Variants in SCUBE3 observed in about 807,000 individuals in gnomAD.
SCUBE3 encodes signal peptide, CUB domain and EGF like domain containing 3, also known as signal peptide, CUB and EGF-like domain-containing protein 3.
A neutral mutation model predicts 116.8 loss-of-function variants in SCUBE3; 33 were observed. That is an observed-to-expected ratio of 0.28 (90% CI 0.21 to 0.38). The LOEUF (loss-of-function observed/expected upper bound fraction) is 0.38, where lower values mean the gene tolerates loss of function less well. SCUBE3 is among the 10% of genes least tolerant of loss of function. The pLI is 1.00. For synonymous variants in SCUBE3, 418 were observed against 496.9 expected, an observed-to-expected ratio of 0.84 and a Z score of 2.11; for missense variants, 1,007 against 1,324.8, an observed-to-expected ratio of 0.76 and a Z score of 3.72.
At chr6:35,226,479 C>CTTTTTTTTTTTT (rs1562044702) in intron 1 of SCUBE3, among the ~76,000 whole-genome samples, 122 of 52,144 alleles carry the variant, frequency 2.3e-3, no homozygotes, top group Non-Finnish European at 3.2e-3. Flanking sequence ...TTTTCTATGT[C>CTTTTTTTTTTTT]CTTTTTTTTT....
In SCUBE3 at chr6:35,249,022, C is replaced by T. The variant is rs182956825; in HGVS notation, c.*317C>T. On this transcript the variant is annotated 3_prime_UTR_variant, in exon 22 of 22. Coordinates refer to ENST00000274938, the MANE Select transcript of SCUBE3 (RefSeq NM_152753.4). Reference sequence around the variant, plus strand: ...TGCCCATTTTACCAGCTCACATTCCCGACCCCATCAGCTTGGAAGGGTGCT... The same window carrying T: ...TGCCCATTTTACCAGCTCACATTCCTGACCCCATCAGCTTGGAAGGGTGCT... 72 of 258,940 alleles carry T rather than the reference C, an allele frequency of 2.8e-4. No individual in the cohort carries two copies. Among genetic ancestry groups the T allele is most frequent in the Admixed American group, 1.7e-3 (34 of 20,174 alleles). The allele number at this position is 258,940 out of a possible 1,614,324, so 16.0% of individuals were successfully genotyped here. A position where few individuals can be genotyped will look rare whatever the true frequency, so the allele number is the denominator to read the frequency against.
rs779748780 is a variant in SCUBE3, at chr6:35,242,652, C to T, written c.1565C>T (p.Thr522Ile). The T allele has an allele frequency of 1.9e-6, 3 of 1,613,528 alleles. No individual in the cohort carries two copies. In the South Asian group the frequency reaches 3.3e-5, roughly 18 times the overall value. The change falls in exon 14 of 22, where the codon ACC (threonine) becomes ATC (isoleucine). Residue 522 changes from threonine (T) to isoleucine (I), a missense_variant. By Grantham distance (89) the Thr-to-Ile change is moderately conservative. This residue lies in a region of SCUBE3 where 544 missense variants were observed against 638.9 expected (regional missense o/e 0.85). Transcript: ENST00000274938. Reference sequence around the variant, plus strand: ...GCCCCCTGCTCTGAATGCCAGGTCACCTTCATCCACCTTAAGTGTGACTCC... The same window carrying T: ...GCCCCCTGCTCTGAATGCCAGGTCATCTTCATCCACCTTAAGTGTGACTCC... The part of the protein sequence containing the change: ...GGAPCSECQV[T>I]FIHLKCDSSR...
chr6:35,233,314 AG>A lies in SCUBE3; in HGVS notation c.712+17del. 1 of 1,077,026 alleles carries A rather than the reference AG, an allele frequency of 9.3e-7. No homozygotes were observed. The highest frequency in any genetic ancestry group is 1.4e-6 in the Non-Finnish European group (1 of 720,152). The allele number at this position is 1,077,026 out of a possible 1,614,324, so 66.7% of individuals were successfully genotyped here. A position where few individuals can be genotyped will look rare whatever the true frequency, so the allele number is the denominator to read the frequency against. On this transcript the variant is annotated intron_variant, in intron 6 of 21. Transcript: ENST00000274938. The surrounding 1 kb of genome is among the most constrained non-coding windows in gnomAD (Gnocchi z 5.7). ...AAGACATGCATCGGTGGGTGAGGCC[AG>A]GGGAGAACTCAGTCCACCTGAGATG...
rs922196237 is a variant in SCUBE3 at position 35,233,912 on chromosome 6, A to G, written c.712+611A>G. On this transcript the variant is annotated intron_variant, in intron 6 of 21. Transcript: ENST00000274938. This position sits in a 1 kb window ranked among gnomAD's most constrained non-coding sequence, Gnocchi z 5.7. The stretch of plus-strand genomic sequence containing the variant: ...CCCCCCATTTCCTTCTCTCTCCTCC[A>G]GATGCCAGTGGTACTCCCTCTCAGC... Among the ~76,000 whole-genome samples the G allele has an allele frequency of 6.6e-6, 1 of 151,790 alleles. No individual in the cohort carries two copies. The highest frequency in any genetic ancestry group is 2.4e-5 in the African/African-American group (1 of 41,276).
intron 1 of SCUBE3, among the ~76,000 whole-genome samples, chr6:35,217,308 T>G (rs1782960971): frequency 1.5e-5 from 2 of 130,298 alleles, no homozygotes; most frequent in South Asian, 5.6e-4. Context: ...CGCATAGGGC[T>G]CAGGTTACAG....
At chr6:35,242,080 A>T in intron 12 of SCUBE3, 124 bp from the exon 13 acceptor site, 1 of 862,270 alleles carries the variant, frequency 1.2e-6, no homozygotes, top group Admixed American at 1.8e-5. Flanking sequence ...GATCCCCTTG[A>T]CTTTCATAAT....
At chr6:35,218,842 G>A (rs1340605808) in intron 1 of SCUBE3, among the ~76,000 whole-genome samples, 1 of 152,126 alleles carries the variant, frequency 6.6e-6, no homozygotes, top group Admixed American at 6.5e-5. Context: ...AGTGGCACCG[G>A]GGATATAGAG....
chr6:35,243,735 CCAA>C lies in SCUBE3; in HGVS notation c.2053_2055del (p.Asn685del), dbSNP rs775293238. ...GATGCCCACGGGCCTCTTGGAGCCA[CCAA>C]CGTCACCACGTGTGCAGGTGCCAGG... On this transcript the variant is annotated inframe_deletion, in exon 16 of 22. Transcript: ENST00000274938. This position sits in a 1 kb window ranked among gnomAD's most constrained non-coding sequence, Gnocchi z 6.6. The C allele has an allele frequency of 2.3e-5, 37 of 1,613,968 alleles. No individual in the cohort carries two copies. In the East Asian group the frequency reaches 6.7e-4, roughly 29 times the overall value.
rs1230867003 is a variant in SCUBE3 at position 35,240,812 on chromosome 6, C to T, written c.1069+322C>T. Among the ~76,000 whole-genome samples, 3 of 152,292 alleles carry T rather than the reference C, an allele frequency of 2.0e-5. No individual in the cohort carries two copies. The highest frequency in any genetic ancestry group is 2.1e-4 in the South Asian group (1 of 4,830). ...AAAGCTTGTTGGCTTGGCCCCTTCT[C>T]GATCATTCCTTTGGGGACAGAGATA... On this transcript the variant is annotated intron_variant, in intron 9 of 21. Coordinates refer to ENST00000274938, the MANE Select transcript of SCUBE3 (RefSeq NM_152753.4). The surrounding 1 kb of genome is among the most constrained non-coding windows in gnomAD (Gnocchi z 4.6).
At chr6:35,234,720 T>C (rs1783688796) in intron 6 of SCUBE3, among the ~76,000 whole-genome samples, 1 of 152,198 alleles carries the variant, frequency 6.6e-6, no homozygotes, top group Non-Finnish European at 1.5e-5. Flanking sequence ...AAAGAAAAGA[T>C]GCATGAGTCA....
chr6:35,220,034 T>C (rs1783064194), intron 1 of SCUBE3, among the ~76,000 whole-genome samples: 1 of 152,218 alleles, frequency 6.6e-6, no homozygotes, highest in African/African-American at 2.4e-5. Flanking sequence ...AGCATCTGCA[T>C]TCCCACTGCT....
Position 35,231,994 on chromosome 6 carries a change from A to G in SCUBE3, c.469+135A>G, listed in dbSNP as rs1279468861. 1.3e-6 allele frequency: 1 copy of G among 762,830 alleles called. No individual in the cohort carries two copies. Among genetic ancestry groups the G allele is most frequent in the Non-Finnish European group, 2.1e-6 (1 of 486,494 alleles). The allele number at this position is 762,830 out of a possible 1,614,324, so 47.3% of individuals were successfully genotyped here. On this transcript the variant is annotated intron_variant, in intron 4 of 21. Transcript: ENST00000274938. This position sits in a 1 kb window ranked among gnomAD's most constrained non-coding sequence, Gnocchi z 4.2. ...CCTTCTTCTCTTGTCCTTCAACTCA[A>G]TCACACCCTAAAGGATCTAGGAACA...
At chr6:35,246,698 G>A (rs1784353371) in intron 21 of SCUBE3, among the ~76,000 whole-genome samples, 1 of 152,248 alleles carries the variant, frequency 6.6e-6, no homozygotes, top group South Asian at 2.1e-4. Flanking sequence ...CAGATAGGCT[G>A]CGTGTGGTGG....
Position 35,228,619 on chromosome 6 carries a change from G to A in SCUBE3, c.214G>A (p.Asp72Asn), listed in dbSNP as rs199994782. ...CAGCTTCCCTTTGCCCACAGACGTGGATGAGTGCGAGCGAGAGGATAATGC... is the reference window on the plus strand; with the variant it reads ...CAGCTTCCCTTTGCCCACAGACGTGAATGAGTGCGAGCGAGAGGATAATGC... ...TGDGKHCKDV[D>N]ECEREDNAGC... Residue 72 changes from aspartate (D) to asparagine (N), a missense_variant, in exon 3 of 22, where the codon GAT becomes AAT. By Grantham distance (23) the Asp-to-Asn change is conservative (BLOSUM62 1). Transcript: ENST00000274938. The surrounding 1 kb of genome is among the most constrained non-coding windows in gnomAD (Gnocchi z 4.9). 1 of 1,614,032 alleles carries A rather than the reference G, an allele frequency of 6.2e-7. No individual in the cohort carries two copies. The highest frequency in any genetic ancestry group is 2.2e-5 in the East Asian group (1 of 44,874).
chr6:35,245,420 A>G lies in SCUBE3; in HGVS notation c.2594A>G (p.Lys865Arg), dbSNP rs1784291679. 1 of 1,614,008 alleles carries G rather than the reference A, an allele frequency of 6.2e-7. No homozygotes were observed. The highest frequency in any genetic ancestry group is 8.5e-7 in the Non-Finnish European group (1 of 1,179,882). The change falls in exon 19 of 22, where the codon AAG (lysine) becomes AGG (arginine). Residue 865 changes from lysine to arginine, a missense_variant. By Grantham distance (26) the Lys-to-Arg change is conservative. Coordinates refer to ENST00000274938, the MANE Select transcript of SCUBE3 (RefSeq NM_152753.4). The surrounding 1 kb of genome is among the most constrained non-coding windows in gnomAD (Gnocchi z 4.2). ...TGTGGGGACGTCCTCGTCATGAGAA[A>G]GAACTGTGGGTGGCTTGCAGAGCTG... ...DECGDVLVMRKNSSPSSITTY... is the reference protein window; with the variant it reads ...DECGDVLVMRRNSSPSSITTY...
Position 35,250,882 on chromosome 6 carries a change from G to C in SCUBE3, c.*2177G>C, listed in dbSNP as rs1428125755. ...GCATTCATCAGCCAAAACGGCCATA[G>C]CAGTAGGTAGCCAATGACACAGCTA... On this transcript the variant is annotated 3_prime_UTR_variant, in exon 22 of 22. Transcript: ENST00000274938. The C allele has an allele frequency of 3.3e-5, 5 of 152,180 alleles. No individual in the cohort carries two copies. Among genetic ancestry groups the C allele is most frequent in the African/African-American group, 1.2e-4 (5 of 41,430 alleles). The allele number at this position is 152,180 out of a possible 1,614,324, so 9.4% of individuals were successfully genotyped here.
At position 35,238,228 on chromosome 6, in the gene SCUBE3, C is replaced by T. The variant is rs149470239; in HGVS notation, c.829+210C>T. ...AGCCAGTTCCTTAGTGCCCCCTTCC[C>T]CTACCCCACCTTGTTTCCCTACTCT... is the stretch of plus-strand genomic sequence containing the variant. On this transcript the variant is annotated intron_variant, in intron 7 of 21. Transcript: ENST00000274938. 2.6e-5 allele frequency among the ~76,000 whole-genome samples: 4 copies of T among 152,228 alleles called. No individual in the cohort carries two copies. In the South Asian group the frequency reaches 6.2e-4, roughly 24 times the overall value.
chr6:35,243,583 C>T lies in SCUBE3; in HGVS notation c.1910-11C>T. ...GGGGGTGGGTGGCTAGCGCGGCCGACTCTCCCTCAGTCAGCTGCCCGCAGG... is the reference window on the plus strand; with the variant it reads ...GGGGGTGGGTGGCTAGCGCGGCCGATTCTCCCTCAGTCAGCTGCCCGCAGG... On this transcript the variant is annotated splice_polypyrimidine_tract_variant and intron_variant, in intron 15 of 21. Coordinates refer to ENST00000274938, the MANE Select transcript of SCUBE3 (RefSeq NM_152753.4). This position sits in a 1 kb window ranked among gnomAD's most constrained non-coding sequence, Gnocchi z 6.6. 1 of 1,595,948 alleles carries T rather than the reference C, an allele frequency of 6.3e-7. No homozygotes were observed. The highest frequency in any genetic ancestry group is 8.6e-7 in the Non-Finnish European group (1 of 1,168,170).
chr6:35,244,908 G>C lies in SCUBE3; in HGVS notation c.2401+97G>C. 1 of 1,239,556 alleles carries C rather than the reference G, an allele frequency of 8.1e-7. No homozygotes were observed. Among genetic ancestry groups the C allele is most frequent in the South Asian group, 1.3e-5 (1 of 74,164 alleles). 76.8% of individuals were successfully genotyped at this position (1,239,556 alleles called of 1,614,324 possible). On this transcript the variant is annotated intron_variant, in intron 18 of 21. Transcript: ENST00000274938. This position sits in a 1 kb window ranked among gnomAD's most constrained non-coding sequence, Gnocchi z 4.3. ...GTGAAACCAACAGGGAGCAGGGCTG[G>C]GGGGTGGAGGAGCAGGAAAACTCCA...
Sources: allele counts gnomAD v4.1 joint callset (sites outside exome capture counted in the v4.1 genomes callset), GRCh38; gene constraint gnomAD v4.1.1; regional missense constraint gnomAD v4.1.1; non-coding constraint Gnocchi (gnomAD v3.1); transcripts MANE v1.5; gene names NCBI Gene and HGNC (gene_info 2026-07-23, HGNC 2026-07-21).